Variants in FUT9 observed in about 807,000 individuals in gnomAD.
The protein encoded by FUT9 is 4-galactosyl-N-acetylglucosaminide 3-alpha-L-fucosyltransferase 9.
In FUT9, 15 loss-of-function variants were observed where a neutral mutation model predicts 29.7. That is an observed-to-expected ratio of 0.51 (90% CI 0.34 to 0.78). The LOEUF is 0.78. Ranked by LOEUF, FUT9 falls within the 30% of genes least tolerant of loss-of-function variation. The pLI is 0.01. For synonymous variants in FUT9, 169 were observed against 153.7 expected, an observed-to-expected ratio of 1.10 and a Z score of -0.74; for missense variants, 319 against 425.4, an observed-to-expected ratio of 0.75 and a Z score of 2.20.
chr6:96,041,816 C>T (rs753502), intron 1 of FUT9, among the ~76,000 whole-genome samples: 108,997 of 152,032 alleles, frequency 0.72, 39,753 homozygotes, highest in East Asian at 0.91. Flanking sequence ...CCTCTTGTTA[C>T]GGCCTAAACC....
At chr6:96,030,420 T>C (rs1239023641) in intron 1 of FUT9, among the ~76,000 whole-genome samples, 4 of 151,536 alleles carry the variant, frequency 2.6e-5, no homozygotes, top group African/African-American at 4.8e-5. Context: ...AAGATATCAC[T>C]GTAGACCTAT....
intron 1 of FUT9, among the ~76,000 whole-genome samples, chr6:96,113,150 T>C (rs1771842641): frequency 6.6e-6 from 1 of 152,212 alleles, no homozygotes; most frequent in East Asian, 1.9e-4. Context: ...AGATATCTTA[T>C]ACTCACTTTC....
intron 1 of FUT9, among the ~76,000 whole-genome samples, chr6:96,053,199 T>G (rs1041289106): frequency 2.6e-5 from 4 of 152,198 alleles, no homozygotes; most frequent in Non-Finnish European, 5.9e-5. Context: ...TTTTAGATTT[T>G]TAGGATTTTA....
At chr6:96,135,642 C>G (rs1772334691) in intron 2 of FUT9, among the ~76,000 whole-genome samples, 2 of 151,572 alleles carry the variant, frequency 1.3e-5, no homozygotes, top group South Asian at 4.2e-4. Context: ...AAAAAAGGTA[C>G]CGGGGGAGAA....
At position 96,204,281 on chromosome 6, in the gene FUT9, C is replaced by A; in HGVS notation, c.*46C>A. 1 of 1,315,496 alleles carries A rather than the reference C, an allele frequency of 7.6e-7. No homozygotes were observed. The highest frequency in any genetic ancestry group is 1.0e-6 in the Non-Finnish European group (1 of 991,740). The allele number at this position is 1,315,496 out of a possible 1,614,324, so 81.5% of individuals were successfully genotyped here. A position where few individuals can be genotyped will look rare whatever the true frequency, so the allele number is the denominator to read the frequency against. On this transcript the variant is annotated 3_prime_UTR_variant, in exon 3 of 3. Transcript: ENST00000302103. ...CTTGATAAATATTTTGATGAGATATCATCCAAGTATTGAGGATAAGAAGAG... is the reference window on the plus strand; with the variant it reads ...CTTGATAAATATTTTGATGAGATATAATCCAAGTATTGAGGATAAGAAGAG...
chr6:96,188,783 T>A (rs2127988058), intron 2 of FUT9, among the ~76,000 whole-genome samples: 1 of 151,842 alleles, frequency 6.6e-6, no homozygotes, highest in East Asian at 1.9e-4. Context: ...GTAAAATTTA[T>A]ATAAAAATCT....
At chr6:96,189,235 G>A (rs1274850378) in intron 2 of FUT9, among the ~76,000 whole-genome samples, 1 of 152,006 alleles carries the variant, frequency 6.6e-6, no homozygotes, top group Non-Finnish European at 1.5e-5. Flanking sequence ...GGTGAGGGCT[G>A]GTGGAGCAGC....
At chr6:96,029,980 C>T (rs944019876) in intron 1 of FUT9, among the ~76,000 whole-genome samples, 5 of 151,512 alleles carry the variant, frequency 3.3e-5, no homozygotes, top group African/African-American at 4.8e-5. Flanking sequence ...AACAGAGTTT[C>T]AGAATCCAAG....
intron 1 of FUT9, among the ~76,000 whole-genome samples, chr6:96,088,710 T>C (rs931343712): frequency 6.6e-6 from 1 of 152,206 alleles, no homozygotes; most frequent in Admixed American, 6.5e-5. Context: ...ATATTTAGAA[T>C]TGAAAATGAG....
intron 1 of FUT9, among the ~76,000 whole-genome samples, chr6:96,027,893 T>TAA (rs954928169): frequency 6.6e-6 from 1 of 151,632 alleles, no homozygotes; most frequent in Non-Finnish European, 1.5e-5. Flanking sequence ...GTTTTCTTCA[T>TAA]AAAAAAACAG....
intron 2 of FUT9, among the ~76,000 whole-genome samples, chr6:96,171,906 C>A (rs1385556578): frequency 6.6e-6 from 1 of 152,142 alleles, no homozygotes; most frequent in Non-Finnish European, 1.5e-5. Flanking sequence ...ATATGTAAGA[C>A]CTTTTATGGT....
chr6:96,022,444 T>C (rs1770086057), intron 1 of FUT9, among the ~76,000 whole-genome samples: 1 of 152,002 alleles, frequency 6.6e-6, no homozygotes, highest in Non-Finnish European at 1.5e-5. Context: ...CTGGAGGTGT[T>C]GACAGGTATT....
At chr6:96,159,743 A>T (rs930319703) in intron 2 of FUT9, among the ~76,000 whole-genome samples, 1 of 152,132 alleles carries the variant, frequency 6.6e-6, no homozygotes, top group Non-Finnish European at 1.5e-5. Context: ...GTTAAAAATG[A>T]TTGAATGAAT....
At chr6:96,024,252 G>T (rs539852114) in intron 1 of FUT9, among the ~76,000 whole-genome samples, 2 of 151,840 alleles carry the variant, frequency 1.3e-5, no homozygotes, top group South Asian at 4.2e-4. Context: ...AACATTCTTG[G>T]ATAGGTGCAT....
At chr6:96,057,502 T>G (rs1306652069) in intron 1 of FUT9, among the ~76,000 whole-genome samples, 2 of 152,198 alleles carry the variant, frequency 1.3e-5, no homozygotes, top group Non-Finnish European at 2.9e-5. Flanking sequence ...TTATTGCCAC[T>G]CCTAAGAAAC....
chr6:96,202,517 G>A (rs551921128), intron 2 of FUT9, among the ~76,000 whole-genome samples: 3 of 152,130 alleles, frequency 2.0e-5, no homozygotes, highest in Non-Finnish European at 4.4e-5. Flanking sequence ...ACAAAACACT[G>A]TGAGTTTTGA....
intron 2 of FUT9, among the ~76,000 whole-genome samples, chr6:96,143,307 C>T (rs1388690142): frequency 6.6e-6 from 1 of 152,152 alleles, no homozygotes; most frequent in Non-Finnish European, 1.5e-5. Context: ...TTCCCTGCTT[C>T]CAAAATAATG....
At chr6:96,025,844 A>C (rs185811421) in intron 1 of FUT9, among the ~76,000 whole-genome samples, 2 of 151,786 alleles carry the variant, frequency 1.3e-5, no homozygotes, top group East Asian at 3.9e-4. Flanking sequence ...AGTTGAATGG[A>C]TGCTGGTAGA....
chr6:96,111,331 A>G (rs920162673), intron 1 of FUT9, among the ~76,000 whole-genome samples: 1 of 152,310 alleles, frequency 6.6e-6, no homozygotes, highest in East Asian at 1.9e-4. Context: ...AGAAAAACGT[A>G]CTATCATTAT....
Sources: gnomAD v4.1 joint callset for allele counts (sites outside exome capture counted in the v4.1 genomes callset) on GRCh38, gnomAD v4.1.1 for gene constraint, MANE v1.5 for transcripts, NCBI Gene and HGNC (gene_info 2026-07-23, HGNC 2026-07-21) for gene names.